Variants in DGCR2 observed in about 807,000 individuals in gnomAD.
The protein encoded by DGCR2 is integral membrane protein DGCR2/IDD.
A neutral mutation model predicts 51.6 loss-of-function variants in DGCR2; 24 were observed. The observed-to-expected ratio is 0.47, with a 90% confidence interval of 0.34 to 0.65. The LOEUF (loss-of-function observed/expected upper bound fraction) is 0.65. DGCR2 is among the 30% of genes least tolerant of loss of function. DGCR2 has a pLI of 0.01. For missense variants in DGCR2, 765 were observed against 772.1 expected, an observed-to-expected ratio of 0.99 and a Z score of 0.11; for synonymous variants, 340 against 315.4, an observed-to-expected ratio of 1.08 and a Z score of -0.82.
intron 2 of DGCR2, among the ~76,000 whole-genome samples, chr22:19,069,712 G>C (rs1411302269): frequency 6.6e-6 from 1 of 152,068 alleles, no homozygotes; most frequent in African/African-American, 2.4e-5. Context: ...TAGGCTGTTT[G>C]CATTTTTTTC....
At chr22:19,109,786 TA>T (rs142650176) in intron 1 of DGCR2, among the ~76,000 whole-genome samples, 111 of 151,704 alleles carry the variant, frequency 7.3e-4, no homozygotes, top group African/African-American at 2.2e-3. Context: ...TTTACGTTAT[TA>T]AAAAAAAACT....
At chr22:19,052,480 C>T (rs1164370182) in intron 6 of DGCR2, among the ~76,000 whole-genome samples, 1 of 151,824 alleles carries the variant, frequency 6.6e-6, no homozygotes, top group African/African-American at 2.4e-5. Context: ...TGCACAAAAA[C>T]CTGTATGCGG....
intron 2 of DGCR2, among the ~76,000 whole-genome samples, chr22:19,069,190 C>T (rs539507591): frequency 1.3e-5 from 2 of 152,356 alleles, no homozygotes; most frequent in Admixed American, 1.3e-4. Context: ...AGCAAGTGCA[C>T]TCTGGCTGCA....
intron 5 of DGCR2, among the ~76,000 whole-genome samples, chr22:19,062,775 G>GCTCGCTCTCTCTCTCTCTCTCTCT (rs1491258740): frequency 1.8e-5 from 2 of 108,966 alleles, no homozygotes; most frequent in Admixed American, 9.3e-5. Context: ...ACACATGCAT[G>GCTCGCTCTCTCTCTCTCTCTCTCT]CTCACTCTCT....
chr22:19,068,424 A>G (rs1402845772), intron 2 of DGCR2, among the ~76,000 whole-genome samples, 199 bp from the exon 3 acceptor site: 1 of 152,258 alleles, frequency 6.6e-6, no homozygotes, highest in Non-Finnish European at 1.5e-5. Context: ...TCTTATTAAA[A>G]TTATGCCGTG....
rs146027196 is a variant in DGCR2 at position 19,039,120 on chromosome 22, G to A, written c.1398C>T (p.Asp466=). 12 of 1,612,856 alleles carry A rather than the reference G, an allele frequency of 7.4e-6. No homozygotes were observed. The highest frequency in any genetic ancestry group is 2.7e-5 in the African/African-American group (2 of 74,922). ...CCTCCACAGGCTCAAAAGCATCATCGTCTGCAGGAAGAGACAGAGGGGTGT... is the reference window on the plus strand; with the variant it reads ...CCTCCACAGGCTCAAAAGCATCATCATCTGCAGGAAGAGACAGAGGGGTGT... ...HPDSVFYDPA[D]DDAFEPVEVS... The change falls in exon 10 of 10, where the codon GAC becomes GAT. Residue 466 remains aspartate, a splice_region_variant and synonymous_variant. Transcript: ENST00000263196.
chr22:19,122,159 G>C lies in DGCR2; in HGVS notation c.48C>G (p.Leu16=). ...DSGAFLLLFL[L]VLTVTEPLRP... is the part of the protein sequence containing the mutation. ...GCAGCGGCTCGGTGACAGTGAGCAC[G>C]AGCAGGAAGAGCAGCAGGAAGGCGC... Residue 16 remains leucine, a synonymous_variant, in exon 1 of 10, where the codon CTC becomes CTG. Coordinates refer to ENST00000263196, the MANE Select transcript of DGCR2 (RefSeq NM_005137.3). 1 of 1,510,670 alleles carries C rather than the reference G, an allele frequency of 6.6e-7. No homozygotes were observed. The highest frequency in any genetic ancestry group is 8.9e-7 in the Non-Finnish European group (1 of 1,129,378). 93.6% of individuals were successfully genotyped at this position (1,510,670 alleles called of 1,614,324 possible).
intron 1 of DGCR2, among the ~76,000 whole-genome samples, chr22:19,114,179 A>G (rs1004828039): frequency 2.6e-5 from 4 of 151,442 alleles, no homozygotes; most frequent in African/African-American, 9.7e-5. Context: ...ATGAAGTTAT[A>G]TATGCACTGA....
intron 7 of DGCR2, chr22:19,045,107 T>C (rs1176195092): frequency 6.6e-6 from 1 of 152,234 alleles, no homozygotes; most frequent in African/African-American, 2.4e-5. Flanking sequence ...GTTGTGTCTA[T>C]GACCATTTTG....
In DGCR2 at chr22:19,081,349, G is replaced by T. The variant is rs145353857; in HGVS notation, c.202+8019C>A. ...ATTTTTTTCTTTTAGTTTACCACAT[G>T]TGTATGTATCTATAAGTAATATAAC... On this transcript the variant is annotated intron_variant, in intron 2 of 9. Transcript: ENST00000263196. Among the ~76,000 whole-genome samples the T allele has an allele frequency of 3.5e-4, 53 of 152,174 alleles. 2 individuals carry two copies. In the East Asian group the frequency reaches 8.3e-3, roughly 24 times the overall value.
intron 1 of DGCR2, among the ~76,000 whole-genome samples, chr22:19,112,737 CAACACAGTT>C (rs1330222766): frequency 6.9e-6 from 1 of 144,198 alleles, no homozygotes; most frequent in Non-Finnish European, 1.5e-5. Context: ...GGCCCTGCCT[CAACACAGTT>C]TTGAACCTAA....
Position 19,063,187 on chromosome 22 carries a change from A to G in DGCR2, c.625+15T>C. On this transcript the variant is annotated intron_variant, in intron 5 of 9. Transcript: ENST00000263196. Reference sequence around the variant, plus strand: ...TGCCCAGCTTCAAACACTCCCACACACCAGAAGGGCTCACCTTTGAATGCC... The same window carrying G: ...TGCCCAGCTTCAAACACTCCCACACGCCAGAAGGGCTCACCTTTGAATGCC... The G allele has an allele frequency of 6.2e-7, 1 of 1,613,458 alleles. No individual in the cohort carries two copies. The highest frequency in any genetic ancestry group is 8.5e-7 in the Non-Finnish European group (1 of 1,179,442).
chr22:19,085,105 G>GA (rs111548476), intron 2 of DGCR2, among the ~76,000 whole-genome samples: 25,837 of 137,468 alleles, frequency 0.19, 2,538 homozygotes, highest in South Asian at 0.31. Flanking sequence ...TCCTGCCTTG[G>GA]AAAAAAAAAA....
intron 2 of DGCR2, among the ~76,000 whole-genome samples, chr22:19,071,576 T>C (rs2082815752): frequency 6.6e-6 from 1 of 152,056 alleles, no homozygotes; most frequent in Non-Finnish European, 1.5e-5. Flanking sequence ...TCTTCAAATA[T>C]GGCAATGTCA....
chr22:19,102,724 G>T (rs974502599), intron 1 of DGCR2, among the ~76,000 whole-genome samples: 5 of 152,030 alleles, frequency 3.3e-5, no homozygotes, highest in African/African-American at 1.2e-4. Flanking sequence ...GTTAAAATGG[G>T]GCTGGGCATG....
intron 1 of DGCR2, among the ~76,000 whole-genome samples, chr22:19,110,652 A>C (rs1424798558): frequency 6.6e-6 from 1 of 152,026 alleles, no homozygotes; most frequent in Non-Finnish European, 1.5e-5. Context: ...AAAAAAGAAA[A>C]GGCAGAAGGA....
rs866725415 is a variant in DGCR2, at chr22:19,053,416, C to T, written c.802+3570G>A. On this transcript the variant is annotated intron_variant, in intron 6 of 9. Transcript: ENST00000263196. Reference sequence around the variant, plus strand: ...GGGTGGAGCAGACATTAAGAAAAACCCTCTGGCAAACCAGCCTCCACCCAG... The same window carrying T: ...GGGTGGAGCAGACATTAAGAAAAACTCTCTGGCAAACCAGCCTCCACCCAG... 2.9e-4 allele frequency among the ~76,000 whole-genome samples: 44 copies of T among 152,140 alleles called. 1 individual carries two copies. Among genetic ancestry groups the T allele is most frequent in the African/African-American group, 8.9e-4 (37 of 41,432 alleles).
intron 2 of DGCR2, among the ~76,000 whole-genome samples, chr22:19,069,121 G>A (rs2082784294): frequency 6.6e-6 from 1 of 152,230 alleles, no homozygotes; most frequent in African/African-American, 2.4e-5. Context: ...CGGGTACAAG[G>A]TCAGGTCAGA....
At chr22:19,078,704 C>T (rs1348151335) in intron 2 of DGCR2, among the ~76,000 whole-genome samples, 2 of 152,186 alleles carry the variant, frequency 1.3e-5, no homozygotes, top group African/African-American at 4.8e-5. Context: ...CTGAGACATC[C>T]TTGCATTACA....
Sources: allele counts gnomAD v4.1 joint callset (sites outside exome capture counted in the v4.1 genomes callset), GRCh38; gene constraint gnomAD v4.1.1; transcripts MANE v1.5; gene names NCBI Gene and HGNC (gene_info 2026-07-23, HGNC 2026-07-21).